The following FBL variants were observed in gnomAD, a reference collection of about 807,000 sequenced individuals.
FBL encodes the protein fibrillarin rRNA 2'-O-methyltransferase.
FBL carries 10 observed loss-of-function variants against 42.2 expected under a neutral mutation model. The observed-to-expected ratio is 0.24, with a 90% confidence interval of 0.15 to 0.40. FBL has a LOEUF of 0.40. FBL is among the 10% of genes least tolerant of loss of function. The pLI is 1.00. For missense variants in FBL, 351 were observed against 439.2 expected, an observed-to-expected ratio of 0.80 and a Z score of 1.79; for synonymous variants, 165 against 165.4, an observed-to-expected ratio of 1.00 and a Z score of 0.02.
chr19:39,837,815 G>C lies in FBL; in HGVS notation c.578C>G (p.Ser193Cys), dbSNP rs961836803. The C allele has an allele frequency of 1.9e-6, 3 of 1,613,284 alleles. No individual in the cohort carries two copies. Among genetic ancestry groups the C allele is most frequent in the Non-Finnish European group, 2.5e-6 (3 of 1,179,712 alleles). ...PDGLVYAVEF[S>C]HRSGRDLINL... ...AATGAGGTCACGGCCAGAGCGGTGG[G>C]AGAACTCGACTGCATAGACTAGACC... is the stretch of plus-strand genomic sequence containing the variant. Residue 193 changes from serine (S) to cysteine (C), a missense_variant, in exon 6 of 9, where the codon TCC (serine) becomes TGC (cysteine). Ser to Cys is a moderately radical substitution (Grantham distance 112). Coordinates refer to ENST00000221801, the MANE Select transcript of FBL (RefSeq NM_001436.4).
At chr19:39,839,481 C>G (rs1468914762) in intron 4 of FBL, among the ~76,000 whole-genome samples, 1 of 152,126 alleles carries the variant, frequency 6.6e-6, no homozygotes, top group African/African-American at 2.4e-5. Flanking sequence ...TGTGCCAGAC[C>G]CTGCTCTAGG....
In FBL at chr19:39,840,671, G is replaced by A. The variant is rs762361488; in HGVS notation, c.127C>T (p.Arg43Cys). Residue 43 changes from arginine to cysteine, a missense_variant, in exon 2 of 9, where the codon CGT becomes TGT. Coordinates refer to ENST00000221801, the MANE Select transcript of FBL (RefSeq NM_001436.4). The surrounding 1 kb of genome is among the most constrained non-coding windows in gnomAD (Gnocchi z 4.5). Reference protein sequence around the residue: ...GRGRGGGFRGRGRGGGGGGGG... With the variant: ...GRGRGGGFRGCGRGGGGGGGG... ...CCGCCTCCACCTCCTCCTCGTCCACGACCTCTAAAGCCTCCGCCTCGACCT... is the reference window on the plus strand; with the variant it reads ...CCGCCTCCACCTCCTCCTCGTCCACAACCTCTAAAGCCTCCGCCTCGACCT... 16 of 1,605,504 alleles carry A rather than the reference G, an allele frequency of 1.0e-5. No homozygotes were observed. The highest frequency in any genetic ancestry group is 5.1e-5 in the Admixed American group (3 of 58,536).
chr19:39,846,066 C>T (rs1969256444), intron 1 of FBL, among the ~76,000 whole-genome samples: 1 of 152,234 alleles, frequency 6.6e-6, no homozygotes, highest in Non-Finnish European at 1.5e-5. Flanking sequence ...GTCAACACCC[C>T]CAATGCCAGG....
chr19:39,840,186 A>G lies in FBL; in HGVS notation c.378+47T>C. The G allele has an allele frequency of 7.5e-7, 1 of 1,328,578 alleles. No individual in the cohort carries two copies. The highest frequency in any genetic ancestry group is 1.1e-6 in the Non-Finnish European group (1 of 921,326). 82.3% of individuals were successfully genotyped at this position (1,328,578 alleles called of 1,614,324 possible). Reference sequence around the variant, plus strand: ...AGGGCAGACACAGACTACTGGCTACACCCTCAGCTGCGACCCTGGTGGCTT... The same window carrying G: ...AGGGCAGACACAGACTACTGGCTACGCCCTCAGCTGCGACCCTGGTGGCTT... On this transcript the variant is annotated intron_variant, in intron 4 of 8. Transcript: ENST00000221801. The surrounding 1 kb of genome is among the most constrained non-coding windows in gnomAD (Gnocchi z 4.5).
intron 1 of FBL, among the ~76,000 whole-genome samples, chr19:39,842,961 G>A (rs1308861663): frequency 2.0e-5 from 3 of 152,120 alleles, no homozygotes; most frequent in African/African-American, 7.2e-5. Flanking sequence ...TGTTCCCACT[G>A]CCTGGCTCCT....
At chr19:39,838,950 G>C in intron 5 of FBL, 85 bp downstream of exon 5, 1 of 1,269,734 alleles carries the variant, frequency 7.9e-7, no homozygotes. Context: ...ACACAGCGCA[G>C]GCAAGCAGTC....
Position 39,836,654 on chromosome 19 carries a change from T to C in FBL, c.697A>G (p.Ile233Val). 1 of 1,613,794 alleles carries C rather than the reference T, an allele frequency of 6.2e-7. No individual in the cohort carries two copies. Among genetic ancestry groups the C allele is most frequent in the Non-Finnish European group, 8.5e-7 (1 of 1,179,736 alleles). ...YRMLIAMVDV[I>V]FADVAQPDQT... Reference sequence around the variant, plus strand: ...TCTGGCTGGGCCACATCAGCAAAGATCACATCCACCATTGCTAAGGAGAAA... The same window carrying C: ...TCTGGCTGGGCCACATCAGCAAAGACCACATCCACCATTGCTAAGGAGAAA... Residue 233 changes from isoleucine (I) to valine (V), a missense_variant, in exon 7 of 9, where the codon ATC (isoleucine) becomes GTC (valine). Coordinates refer to ENST00000221801, the MANE Select transcript of FBL (RefSeq NM_001436.4).
At position 39,840,273 on chromosome 19, in the gene FBL, G is replaced by C. The variant is rs757578454; in HGVS notation, c.338C>G (p.Pro113Arg). 54 of 1,613,996 alleles carry C rather than the reference G, an allele frequency of 3.3e-5. No individual in the cohort carries two copies. The Admixed American group carries it at 4.2e-4, about 12-fold the overall frequency. The change falls in exon 4 of 9, where the codon CCT becomes CGT. Residue 113 changes from proline to arginine, a missense_variant. By Grantham distance (103) the Pro-to-Arg change is moderately radical. Coordinates refer to ENST00000221801, the MANE Select transcript of FBL (RefSeq NM_001436.4). This position sits in a 1 kb window ranked among gnomAD's most constrained non-coding sequence, Gnocchi z 4.5. Reference protein sequence around the residue: ...EDALVTKNLVPGESVYGEKRV... With the variant: ...EDALVTKNLVRGESVYGEKRV... ...CTTCTCTCCATAAACTGATTCCCCA[G>C]GGACCAGGTTCTTGGTGACCAGTGC...
chr19:39,841,512 T>C (rs986651504), intron 1 of FBL, among the ~76,000 whole-genome samples: 1 of 152,200 alleles, frequency 6.6e-6, no homozygotes, highest in African/African-American at 2.4e-5. Context: ...CTTGGTTGCA[T>C]AGCAGATTCA....
Position 39,840,595 on chromosome 19 carries a change from T to C in FBL, c.181+22A>G. 1 of 1,613,404 alleles carries C rather than the reference T, an allele frequency of 6.2e-7. No individual in the cohort carries two copies. The highest frequency in any genetic ancestry group is 1.1e-5 in the South Asian group (1 of 91,024). ...CTCCCCACCTCAGGAAGGCCTCCTC[T>C]GTAACCCCTAGCCAATCTTACCACC... On this transcript the variant is annotated intron_variant, in intron 2 of 8. Coordinates refer to ENST00000221801, the MANE Select transcript of FBL (RefSeq NM_001436.4). This position sits in a 1 kb window ranked among gnomAD's most constrained non-coding sequence, Gnocchi z 4.5.
rs1969080109 is a variant in FBL at position 39,837,811 on chromosome 19, G to A, written c.582C>T (p.His194=). 2.5e-6 allele frequency: 4 copies of A among 1,613,270 alleles called. No individual in the cohort carries two copies. Among genetic ancestry groups the A allele is most frequent in the Non-Finnish European group, 3.4e-6 (4 of 1,179,686 alleles). The change falls in exon 6 of 9, where the codon CAC becomes CAT. Residue 194 remains histidine (H), a synonymous_variant. Transcript: ENST00000221801. ...AGTTAATGAGGTCACGGCCAGAGCG[G>A]TGGGAGAACTCGACTGCATAGACTA... ...DGLVYAVEFS[H]RSGRDLINLA...
rs1029087039 is a variant in FBL at position 39,838,737 on chromosome 19, C to G, written c.549+298G>C. Reference sequence around the variant, plus strand: ...AAGAAACCAGAAGAGCAGGTTTTAGCAGCATAAAATTTTAAAGAGGCCCAT... The same window carrying G: ...AAGAAACCAGAAGAGCAGGTTTTAGGAGCATAAAATTTTAAAGAGGCCCAT... On this transcript the variant is annotated intron_variant, in intron 5 of 8. Coordinates refer to ENST00000221801, the MANE Select transcript of FBL (RefSeq NM_001436.4). The G allele has an allele frequency of 5.6e-5, 15 of 270,120 alleles. No individual in the cohort carries two copies. In the East Asian group the frequency reaches 1.1e-3, roughly 19 times the overall value. 16.7% of individuals were successfully genotyped at this position (270,120 alleles called of 1,614,324 possible).
rs767369884 is a variant in FBL at position 39,834,501 on chromosome 19, C to T, written c.*37G>A. Reference sequence around the variant, plus strand: ...TAGAAAAACACACGTGCAACAGTATCAACACACATCTCTCGCAATCCTGAC... The same window carrying T: ...TAGAAAAACACACGTGCAACAGTATTAACACACATCTCTCGCAATCCTGAC... On this transcript the variant is annotated 3_prime_UTR_variant, in exon 9 of 9. Coordinates refer to ENST00000221801, the MANE Select transcript of FBL (RefSeq NM_001436.4). The T allele has an allele frequency of 1.7e-5, 27 of 1,612,692 alleles. No homozygotes were observed. The highest frequency in any genetic ancestry group is 2.1e-5 in the Non-Finnish European group (25 of 1,178,858).
intron 7 of FBL, 30 bp downstream of exon 7, chr19:39,836,526 C>T (rs1599654551): frequency 1.4e-6 from 2 of 1,468,346 alleles, no homozygotes; most frequent in Admixed American, 1.7e-5. Context: ...AACACTGCCA[C>T]CCCATCTTAG....
In FBL at chr19:39,840,868, T is replaced by TTTCTCACCTGA; in HGVS notation, c.11-82_11-81insTCAGGTGAGAA. 1 of 1,313,220 alleles carries TTTCTCACCTGA rather than the reference T, an allele frequency of 7.6e-7. No homozygotes were observed. The highest frequency in any genetic ancestry group is 1.0e-6 in the Non-Finnish European group (1 of 978,332). 81.3% of individuals were successfully genotyped at this position (1,313,220 alleles called of 1,614,324 possible). ...CTTGTACCCAGCAATACCTCTCAGG[T>TTTCTCACCTGA]GAGAAACCTGAAATACATGTGCCCG... On this transcript the variant is annotated intron_variant, in intron 1 of 8. Transcript: ENST00000221801. This position sits in a 1 kb window ranked among gnomAD's most constrained non-coding sequence, Gnocchi z 4.5.
chr19:39,835,868 G>C (rs1465139220), intron 7 of FBL, among the ~76,000 whole-genome samples: 1 of 152,126 alleles, frequency 6.6e-6, no homozygotes, highest in Non-Finnish European at 1.5e-5. Flanking sequence ...AGAGGTTGCA[G>C]TGAGCTGAGA....
chr19:39,836,117 C>G (rs913011465), intron 7 of FBL, among the ~76,000 whole-genome samples: 4 of 151,534 alleles, frequency 2.6e-5, no homozygotes, highest in African/African-American at 9.7e-5. Context: ...AAAAGGCTAA[C>G]AAATGGTGAA....
At chr19:39,838,742 T>C (rs953410554) in intron 5 of FBL, 11 of 279,702 alleles carry the variant, frequency 3.9e-5, no homozygotes, top group African/African-American at 2.2e-4. Context: ...TTTAGCAGCA[T>C]AAAATTTTAA....
chr19:39,844,437 T>C (rs1969220435), intron 1 of FBL, among the ~76,000 whole-genome samples: 2 of 151,874 alleles, frequency 1.3e-5, no homozygotes, highest in African/African-American at 4.9e-5. Flanking sequence ...AAAAAACACA[T>C]GTTCACACAA....
Sources: allele counts gnomAD v4.1 joint callset (sites outside exome capture counted in the v4.1 genomes callset), GRCh38; gene constraint gnomAD v4.1.1; non-coding constraint Gnocchi (gnomAD v3.1); transcripts MANE v1.5; gene names NCBI Gene and HGNC (gene_info 2026-07-23, HGNC 2026-07-21).